NPNT: variants seen among roughly 807,000 people sequenced by gnomAD.
NPNT encodes preosteoblast EGF-like repeat protein with MAM domain.
A neutral mutation model predicts 68.6 loss-of-function variants in NPNT; 45 were observed. The ratio of observed to expected loss-of-function variants is 0.66; its 90% CI spans 0.52 to 0.84. NPNT has a LOEUF of 0.84. Among genes scored for constraint, NPNT ranks in the 40% least tolerant of loss-of-function variants. NPNT has a pLI of 0.00. For missense variants in NPNT, 672 were observed against 714.8 expected (o/e 0.94, Z 0.68); for synonymous variants, 233 against 253.3 (o/e 0.92, Z 0.76).
intron 2 of NPNT, among the ~76,000 whole-genome samples, chr4:105,911,126 T>C (rs1013624533): frequency 1.3e-5 from 2 of 152,136 alleles, no homozygotes; most frequent in Non-Finnish European, 2.9e-5. Flanking sequence ...TTGTACCTGA[T>C]GTATTTTATT....
chr4:105,921,425 T>C (rs1342790510), intron 2 of NPNT, among the ~76,000 whole-genome samples: 2 of 152,224 alleles, frequency 1.3e-5, no homozygotes, highest in Non-Finnish European at 2.9e-5. Flanking sequence ...TCCTGCCTTA[T>C]ATGGATATCA....
chr4:105,931,957 A>G (rs1729148746), intron 3 of NPNT, among the ~76,000 whole-genome samples: 1 of 152,106 alleles, frequency 6.6e-6, no homozygotes, highest in African/African-American at 2.4e-5. Context: ...TTAAGTCTCA[A>G]CTCTCTTCTT....
intron 8 of NPNT, 104 bp downstream of exon 8, chr4:105,942,806 C>T: frequency 9.0e-7 from 1 of 1,115,194 alleles, no homozygotes; most frequent in Non-Finnish European, 1.3e-6. Context: ...GAAGAACTAG[C>T]TATGTAAAGT....
intron 2 of NPNT, among the ~76,000 whole-genome samples, chr4:105,907,638 T>C (rs6823809): frequency 0.19 from 28,905 of 151,956 alleles, 3,662 homozygotes; most frequent in Non-Finnish European, 0.29. Flanking sequence ...GCTACAACCA[T>C]AGAAAAATAC....
rs567305007 is a variant in NPNT at position 105,925,743 on chromosome 4, C to A, written c.173-1593C>A. 9.9e-5 allele frequency among the ~76,000 whole-genome samples: 15 copies of A among 152,274 alleles called. 1 individual carries two copies. The South Asian group carries it at 3.1e-3, about 32-fold the overall frequency. Reference sequence around the variant, plus strand: ...AGCTCATTTCTTCCTGTCACCAACACAAATCATACCTTCTTCACGTCAGAC... The same window carrying A: ...AGCTCATTTCTTCCTGTCACCAACAAAAATCATACCTTCTTCACGTCAGAC... On this transcript the variant is annotated intron_variant, in intron 2 of 11. Transcript: ENST00000379987.
At chr4:105,964,146 C>T (rs1350414807) in intron 10 of NPNT, among the ~76,000 whole-genome samples, 1 of 152,128 alleles carries the variant, frequency 6.6e-6, no homozygotes, top group Non-Finnish European at 1.5e-5. Context: ...TCAAGCAGTG[C>T]CTCGCCCAGA....
At chr4:105,944,630 A>T (rs528691600) in intron 8 of NPNT, among the ~76,000 whole-genome samples, 1 of 152,332 alleles carries the variant, frequency 6.6e-6, no homozygotes, top group Admixed American at 6.5e-5. Flanking sequence ...ATTCATTATA[A>T]GAGAGTGTGA....
intron 10 of NPNT, among the ~76,000 whole-genome samples, chr4:105,960,032 G>A (rs565056318): frequency 1.3e-5 from 2 of 152,132 alleles, no homozygotes; most frequent in African/African-American, 2.4e-5. Context: ...GGATGGTCTC[G>A]ATCTCCTGAC....
chr4:105,921,378 T>G (rs1303109249), intron 2 of NPNT, among the ~76,000 whole-genome samples: 4 of 152,200 alleles, frequency 2.6e-5, no homozygotes, highest in Non-Finnish European at 5.9e-5. Flanking sequence ...GCATTTTTAC[T>G]TGTTTACTTG....
At chr4:105,911,213 GA>G (rs544883001) in intron 2 of NPNT, among the ~76,000 whole-genome samples, 18 of 146,324 alleles carry the variant, frequency 1.2e-4, no homozygotes, top group South Asian at 6.5e-4. Flanking sequence ...TGACCAATAT[GA>G]AAAAAAAAAG....
At chr4:105,916,356 A>G (rs1578601289) in intron 2 of NPNT, among the ~76,000 whole-genome samples, 1 of 150,728 alleles carries the variant, frequency 6.6e-6, no homozygotes, top group Non-Finnish European at 1.5e-5. Flanking sequence ...AGTGGCTGGG[A>G]TTATAGGCAT....
chr4:105,930,134 C>T (rs1246338179), intron 3 of NPNT, among the ~76,000 whole-genome samples: 1 of 152,120 alleles, frequency 6.6e-6, no homozygotes, highest in African/African-American at 2.4e-5. Flanking sequence ...TTTTGCCCTC[C>T]TCACAAAAAA....
At chr4:105,900,715 C>T (rs780353923) in intron 2 of NPNT, among the ~76,000 whole-genome samples, 5 of 152,140 alleles carry the variant, frequency 3.3e-5, no homozygotes, top group African/African-American at 1.2e-4. Context: ...CCTGCTGCTT[C>T]CTGCCTGTAC....
chr4:105,929,520 A>T (rs1441326864), intron 3 of NPNT: 1 of 152,166 alleles, frequency 6.6e-6, no homozygotes, highest in East Asian at 1.9e-4. Flanking sequence ...TTATTATCTC[A>T]GTTTGCTCCT....
At chr4:105,944,484 T>A (rs1297071116) in intron 8 of NPNT, among the ~76,000 whole-genome samples, 1 of 152,244 alleles carries the variant, frequency 6.6e-6, no homozygotes, top group South Asian at 2.1e-4. Flanking sequence ...TTTCTCTTTT[T>A]AAAATGTTTC....
intron 3 of NPNT, among the ~76,000 whole-genome samples, chr4:105,931,210 T>C (rs573055882): frequency 3.3e-5 from 5 of 152,142 alleles, no homozygotes; most frequent in African/African-American, 1.2e-4. Context: ...AACTTTTCCA[T>C]TGGGGAATGA....
intron 8 of NPNT, among the ~76,000 whole-genome samples, chr4:105,945,310 G>T (rs1005555672): frequency 6.6e-6 from 1 of 152,114 alleles, no homozygotes; most frequent in Non-Finnish European, 1.5e-5. Context: ...AATCAAGGAA[G>T]AAAAATATTA....
intron 2 of NPNT, 98 bp from the exon 3 acceptor site, chr4:105,927,238 T>C: frequency 5.6e-6 from 4 of 715,910 alleles, no homozygotes; most frequent in Middle Eastern, 2.5e-4. Flanking sequence ...TAAGTTCTAG[T>C]TTTTTTTCTT....
chr4:105,942,833 C>A, intron 8 of NPNT, 131 bp downstream of exon 8: 1 of 814,422 alleles, frequency 1.2e-6, no homozygotes, highest in Non-Finnish European at 1.9e-6. Flanking sequence ...TCCCTATTGA[C>A]AAATATTATA....
Sources: allele counts gnomAD v4.1 joint callset (sites outside exome capture counted in the v4.1 genomes callset), GRCh38; gene constraint gnomAD v4.1.1; transcripts MANE v1.5; gene names NCBI Gene and HGNC (gene_info 2026-07-23, HGNC 2026-07-21).